TTC28: variants seen among roughly 807,000 people sequenced by gnomAD.
TTC28 encodes the protein tetratricopeptide repeat domain 28, also known as tetratricopeptide repeat protein 28.
In TTC28, 61 loss-of-function variants were observed where a neutral mutation model predicts 198.0. That is an observed-to-expected ratio of 0.31 (90% CI 0.25 to 0.38). The LOEUF is 0.38. TTC28 is among the 10% of genes least tolerant of loss of function. The pLI is 1.00. For missense variants in TTC28, 2,678 were observed against 3,164.0 expected, an observed-to-expected ratio of 0.85 and a Z score of 3.69; for synonymous variants, 1,171 against 1,297.8, an observed-to-expected ratio of 0.90 and a Z score of 2.10.
At position 28,644,525 on chromosome 22, in the gene TTC28, C is replaced by T. The variant is rs2051423851; in HGVS notation, c.103-14695G>A. Among the ~76,000 whole-genome samples the T allele has an allele frequency of 4.6e-5, 7 of 150,606 alleles. No homozygotes were observed. The South Asian group carries it at 1.5e-3, about 32-fold the overall frequency. ...AACTATATCCAAAGTTACTTTTGCCCATTTAAAAATGTTCCAGGCTGGGCG... is the reference window on the plus strand; with the variant it reads ...AACTATATCCAAAGTTACTTTTGCCTATTTAAAAATGTTCCAGGCTGGGCG... On this transcript the variant is annotated intron_variant, in intron 1 of 22. Coordinates refer to ENST00000397906, the MANE Select transcript of TTC28 (RefSeq NM_001145418.2).
chr22:28,018,225 C>T (rs960426317), intron 13 of TTC28, among the ~76,000 whole-genome samples: 5 of 131,856 alleles, frequency 3.8e-5, no homozygotes, highest in African/African-American at 1.2e-4. Context: ...GAATACTCCT[C>T]TGATCTGTGC....
At chr22:28,161,848 TAAG>T (rs1340137821) in intron 6 of TTC28, among the ~76,000 whole-genome samples, 1 of 101,564 alleles carries the variant, frequency 9.8e-6, no homozygotes, top group Non-Finnish European at 1.8e-5. Flanking sequence ...GGAAGAAAGT[TAAG>T]AAAGGAAGAA....
At chr22:28,067,550 G>A (rs1940808004) in intron 12 of TTC28, among the ~76,000 whole-genome samples, 1 of 152,096 alleles carries the variant, frequency 6.6e-6, no homozygotes, top group Non-Finnish European at 1.5e-5. Flanking sequence ...GCTTATGCTT[G>A]TGTTTCTAAG....
intron 5 of TTC28, among the ~76,000 whole-genome samples, chr22:28,198,334 A>G (rs1484230116): frequency 6.6e-6 from 1 of 152,106 alleles, no homozygotes; most frequent in African/African-American, 2.4e-5. Flanking sequence ...TGTGCCCCAG[A>G]GGAAAAGTAT....
chr22:28,348,274 C>T (rs915422255), intron 2 of TTC28, among the ~76,000 whole-genome samples: 1 of 152,140 alleles, frequency 6.6e-6, no homozygotes, highest in African/African-American at 2.4e-5. Flanking sequence ...TGCATGGAGG[C>T]CCTCAAGTCT....
intron 2 of TTC28, among the ~76,000 whole-genome samples, chr22:28,491,546 A>G (rs1324117294): frequency 6.6e-6 from 1 of 152,242 alleles, no homozygotes; most frequent in Non-Finnish European, 1.5e-5. Context: ...AATGCAAATC[A>G]AAACCACAAT....
intron 1 of TTC28, among the ~76,000 whole-genome samples, chr22:28,670,248 T>C (rs756633077): frequency 2.0e-5 from 3 of 152,204 alleles, no homozygotes; most frequent in African/African-American, 4.8e-5. Context: ...CAGTGTCTTT[T>C]GGTGATTTAT....
intron 2 of TTC28, among the ~76,000 whole-genome samples, chr22:28,466,243 C>T (rs184254764): frequency 2.6e-5 from 4 of 152,302 alleles, no homozygotes; most frequent in East Asian, 1.9e-4. Context: ...CCCAATACTT[C>T]GCATGAAGAG....
intron 12 of TTC28, among the ~76,000 whole-genome samples, chr22:28,081,268 C>A (rs1941347599): frequency 6.6e-6 from 1 of 151,916 alleles, no homozygotes; most frequent in South Asian, 2.1e-4. Flanking sequence ...GCAACCTCTG[C>A]CTTCCAGGTT....
intron 2 of TTC28, among the ~76,000 whole-genome samples, chr22:28,527,004 C>T (rs149877740): frequency 0.014 from 2,199 of 152,184 alleles, 23 homozygotes; most frequent in Non-Finnish European, 0.022. Flanking sequence ...GTGATCCACC[C>T]GCCTCAGCCT....
chr22:28,560,122 T>C (rs2049845280), intron 2 of TTC28, among the ~76,000 whole-genome samples: 1 of 152,238 alleles, frequency 6.6e-6, no homozygotes, highest in South Asian at 2.1e-4. Flanking sequence ...GTTAAGGACC[T>C]CTGAGTCATC....
chr22:28,111,691 G>A (rs1942485429), intron 6 of TTC28, among the ~76,000 whole-genome samples: 1 of 152,144 alleles, frequency 6.6e-6, no homozygotes, highest in Admixed American at 6.5e-5. Context: ...CTCCCTTGGA[G>A]CACTTTCTCC....
chr22:28,387,819 C>A (rs551527234), intron 2 of TTC28, among the ~76,000 whole-genome samples: 1 of 152,082 alleles, frequency 6.6e-6, no homozygotes, highest in East Asian at 1.9e-4. Context: ...ATGGTAGTTT[C>A]TTTTGCTGTG....
intron 2 of TTC28, among the ~76,000 whole-genome samples, chr22:28,469,928 T>C (rs1182071000): frequency 6.6e-6 from 1 of 152,182 alleles, no homozygotes; most frequent in Non-Finnish European, 1.5e-5. Context: ...CTTGAACTCC[T>C]GAGCTCAAGT....
At position 28,531,977 on chromosome 22, in the gene TTC28, C is replaced by G. The variant is rs530895549; in HGVS notation, c.381+97575G>C. Among the ~76,000 whole-genome samples the G allele has an allele frequency of 7.2e-5, 11 of 152,266 alleles. No individual in the cohort carries two copies. The South Asian group carries it at 1.2e-3, about 17-fold the overall frequency. On this transcript the variant is annotated intron_variant, in intron 2 of 22. Coordinates refer to ENST00000397906, the MANE Select transcript of TTC28 (RefSeq NM_001145418.2). The stretch of plus-strand genomic sequence containing the variant: ...AAGCAGGAAAGATCTAAAATTGACA[C>G]CCTAACATCACAATTAAAAGAACTT...
At chr22:28,163,640 A>C in intron 5 of TTC28, 41 bp from the exon 6 acceptor site, 2 of 1,474,664 alleles carry the variant, frequency 1.4e-6, no homozygotes, top group Non-Finnish European at 1.8e-6. Context: ...AAAACACATC[A>C]GAATGGTTTT....
chr22:28,644,088 T>C (rs1394904373), intron 1 of TTC28, among the ~76,000 whole-genome samples: 1 of 152,176 alleles, frequency 6.6e-6, no homozygotes, highest in Admixed American at 6.5e-5. Context: ...TCAGAATTAT[T>C]TGAATATCTA....
At chr22:28,268,661 G>A (rs1252545605) in intron 5 of TTC28, among the ~76,000 whole-genome samples, 2 of 152,096 alleles carry the variant, frequency 1.3e-5, no homozygotes, top group African/African-American at 4.8e-5. Flanking sequence ...CATTTAATGG[G>A]AAATGCAATG....
At chr22:28,178,008 A>C (rs1304925009) in intron 5 of TTC28, among the ~76,000 whole-genome samples, 1 of 151,256 alleles carries the variant, frequency 6.6e-6, no homozygotes, top group Non-Finnish European at 1.5e-5. Flanking sequence ...TTAGTTAATA[A>C]TTATATATCA....
Sources: gnomAD v4.1 joint callset for allele counts (sites outside exome capture counted in the v4.1 genomes callset) on GRCh38, gnomAD v4.1.1 for gene constraint, MANE v1.5 for transcripts, NCBI Gene and HGNC (gene_info 2026-07-23, HGNC 2026-07-21) for gene names.